The following PHACTR1 variants were observed in gnomAD, a reference collection of about 807,000 sequenced individuals.
PHACTR1 encodes the protein RPEL repeat containing 1.
Under a neutral mutation model 69.2 loss-of-function variants are expected in PHACTR1, and 16 were observed. That is an observed-to-expected ratio of 0.23 (90% CI 0.16 to 0.35). The LOEUF is 0.35. PHACTR1 is among the 10% of genes least tolerant of loss of function. The pLI is 1.00. For missense variants in PHACTR1, 510 were observed against 734.7 expected, an observed-to-expected ratio of 0.69 and a Z score of 3.54; for synonymous variants, 312 against 284.5, an observed-to-expected ratio of 1.10 and a Z score of -0.97.
At chr6:13,155,419 C>A (rs1418921502) in intron 5 of PHACTR1, among the ~76,000 whole-genome samples, 2 of 152,184 alleles carry the variant, frequency 1.3e-5, no homozygotes, top group Non-Finnish European at 2.9e-5. Context: ...AGATTAATTT[C>A]TCAGCTTTTC....
intron 4 of PHACTR1, among the ~76,000 whole-genome samples, chr6:12,897,698 T>TTTATTATTATTATTATTA (rs10526737): frequency 1.1e-4 from 17 of 148,878 alleles, no homozygotes; most frequent in Middle Eastern, 3.5e-3. Flanking sequence ...TTTGTAATCT[T>TTTATTATTATTATTATTA]TTATTATTAT....
intron 4 of PHACTR1, among the ~76,000 whole-genome samples, chr6:12,762,480 A>G (rs1157438174): frequency 6.6e-6 from 1 of 152,210 alleles, no homozygotes; most frequent in Non-Finnish European, 1.5e-5. Context: ...TGCTTGATAC[A>G]TTATTACAAT....
intron 8 of PHACTR1, among the ~76,000 whole-genome samples, chr6:13,218,369 G>A (rs952344009): frequency 6.6e-6 from 1 of 152,182 alleles, no homozygotes; most frequent in African/African-American, 2.4e-5. Context: ...AAGCCCCCTT[G>A]AAAAGGGAGT....
At chr6:12,979,791 G>A (rs1562086527) in intron 4 of PHACTR1, among the ~76,000 whole-genome samples, 1 of 150,500 alleles carries the variant, frequency 6.6e-6, no homozygotes, top group Admixed American at 6.6e-5. Flanking sequence ...TGTATTTGGG[G>A]AATTCTGTAA....
At position 13,283,270 on chromosome 6, in the gene PHACTR1, G is replaced by C; in HGVS notation, c.1510-152G>C. 6.7e-6 allele frequency: 4 copies of C among 592,710 alleles called. No individual in the cohort carries two copies. The highest frequency in any genetic ancestry group is 5.9e-5 in the South Asian group (3 of 50,962). 36.7% of individuals were successfully genotyped at this position (592,710 alleles called of 1,614,324 possible). A position where few individuals can be genotyped will look rare whatever the true frequency, so the allele number is the denominator to read the frequency against. ...CAGGAGACTTGGGTCCCCCCACCCT[G>C]GCCCTCCCCCTGCCCCTGCCCCTCA... On this transcript the variant is annotated intron_variant, in intron 12 of 14. Coordinates refer to ENST00000332995, the MANE Select transcript of PHACTR1 (RefSeq NM_030948.6). This position sits in a 1 kb window ranked among gnomAD's most constrained non-coding sequence, Gnocchi z 4.7.
At chr6:13,201,268 G>A (rs1026940989) in intron 7 of PHACTR1, among the ~76,000 whole-genome samples, 1 of 152,206 alleles carries the variant, frequency 6.6e-6, no homozygotes, top group Non-Finnish European at 1.5e-5. Flanking sequence ...AGGAAAGGCT[G>A]CCAGAGGAAA....
intron 4 of PHACTR1, among the ~76,000 whole-genome samples, chr6:12,976,199 C>T (rs1176626145): frequency 6.6e-6 from 1 of 152,096 alleles, no homozygotes; most frequent in Non-Finnish European, 1.5e-5. Flanking sequence ...AGCAGGATTG[C>T]CGACTTTTAG....
At chr6:12,810,373 C>G (rs774671552) in intron 4 of PHACTR1, among the ~76,000 whole-genome samples, 2 of 152,122 alleles carry the variant, frequency 1.3e-5, no homozygotes, top group Non-Finnish European at 2.9e-5. Context: ...ATAATTTACA[C>G]TGCTCTTCCA....
At chr6:13,276,407 A>G (rs1340724405) in intron 11 of PHACTR1, among the ~76,000 whole-genome samples, 1 of 152,200 alleles carries the variant, frequency 6.6e-6, no homozygotes, top group Non-Finnish European at 1.5e-5. Flanking sequence ...AGTCACCTTG[A>G]GTGTAAAGGT....
intron 4 of PHACTR1, among the ~76,000 whole-genome samples, chr6:12,824,768 A>G (rs1408260157): frequency 6.6e-6 from 1 of 152,132 alleles, no homozygotes; most frequent in African/African-American, 2.4e-5. Context: ...CAGGAAATTA[A>G]CTTTAGTATC....
At chr6:12,806,884 G>T (rs759455275) in intron 4 of PHACTR1, among the ~76,000 whole-genome samples, 1 of 152,164 alleles carries the variant, frequency 6.6e-6, no homozygotes, top group Non-Finnish European at 1.5e-5. Flanking sequence ...TCAGAATTGT[G>T]AATTTGTTTG....
intron 4 of PHACTR1, among the ~76,000 whole-genome samples, chr6:13,039,282 G>A (rs1438721148): frequency 6.6e-6 from 1 of 152,230 alleles, no homozygotes; most frequent in Non-Finnish European, 1.5e-5. Context: ...GATAGTTGCT[G>A]TGAGGATGAC....
intron 12 of PHACTR1, among the ~76,000 whole-genome samples, chr6:13,281,860 G>A (rs449321): frequency 0.25 from 38,189 of 152,142 alleles, 8,038 homozygotes; most frequent in African/African-American, 0.56. Flanking sequence ...GAATGTTGTC[G>A]TGCCTAAGAA....
At chr6:12,927,414 C>T (rs934669524) in intron 4 of PHACTR1, among the ~76,000 whole-genome samples, 6 of 149,206 alleles carry the variant, frequency 4.0e-5, no homozygotes, top group Non-Finnish European at 8.8e-5. Context: ...ACAACAACAA[C>T]AATAATACTG....
chr6:12,933,548 C>T, intron 4 of PHACTR1: 14 of 1,558,638 alleles, frequency 9.0e-6, no homozygotes, highest in African/African-American at 1.4e-5. Flanking sequence ...TATAATGGAT[C>T]TCGCCAGGGT....
intron 4 of PHACTR1, among the ~76,000 whole-genome samples, chr6:12,853,550 G>T (rs1780035029): frequency 6.6e-6 from 1 of 152,220 alleles, no homozygotes; most frequent in Admixed American, 6.5e-5. Context: ...TGCTAATAAA[G>T]ACATACCCAA....
At chr6:13,186,588 A>G (rs1252743454) in intron 7 of PHACTR1, among the ~76,000 whole-genome samples, 1 of 152,244 alleles carries the variant, frequency 6.6e-6, no homozygotes, top group Non-Finnish European at 1.5e-5. Flanking sequence ...TTCCCTTAAG[A>G]AAGATTAAAC....
At chr6:13,130,365 C>CA (rs963202054) in intron 5 of PHACTR1, among the ~76,000 whole-genome samples, 69 of 151,334 alleles carry the variant, frequency 4.6e-4, no homozygotes, top group African/African-American at 1.3e-3. Flanking sequence ...ATAAATGAAA[C>CA]AAAAAAAACT....
chr6:13,207,013 C>T (rs984490395), intron 8 of PHACTR1, among the ~76,000 whole-genome samples: 7 of 152,118 alleles, frequency 4.6e-5, no homozygotes, highest in African/African-American at 1.4e-4. Flanking sequence ...GTATATCCAT[C>T]TTTGCATACG....
Sources: gnomAD v4.1 joint callset for allele counts (sites outside exome capture counted in the v4.1 genomes callset) on GRCh38, gnomAD v4.1.1 for gene constraint, Gnocchi (gnomAD v3.1) non-coding constraint, MANE v1.5 for transcripts, NCBI Gene and HGNC (gene_info 2026-07-23, HGNC 2026-07-21) for gene names.